Variants in ZNF99 observed in about 807,000 individuals in gnomAD.
The protein encoded by ZNF99 is zinc finger protein ENSP00000375192.
In ZNF99, 8 loss-of-function variants were observed where a neutral mutation model predicts 12.8. That is an observed-to-expected ratio of 0.62 (90% CI 0.37 to 1.13). ZNF99 has a LOEUF of 1.13. Among genes scored for constraint, ZNF99 ranks in the 50% most tolerant of loss-of-function variants. The pLI, the probability that ZNF99 is intolerant of heterozygous loss-of-function variation, is 0.02. For missense variants in ZNF99, 1,007 were observed against 1,006.2 expected, an observed-to-expected ratio of 1.00 and a Z score of -0.01; for synonymous variants, 318 against 319.0, an observed-to-expected ratio of 1.00 and a Z score of 0.03.
chr19:22,783,421 G>T (rs1353816786), intron 1 of ZNF99, among the ~76,000 whole-genome samples: 1 of 151,894 alleles, frequency 6.6e-6, no homozygotes, highest in Non-Finnish European at 1.5e-5. Flanking sequence ...TTTCCATCTT[G>T]ATTGTACAAA....
chr19:22,772,641 C>T (rs1973285414), intron 1 of ZNF99, among the ~76,000 whole-genome samples: 1 of 150,260 alleles, frequency 6.7e-6, no homozygotes, highest in African/African-American at 2.5e-5. Context: ...GGTGCCATTG[C>T]ACTCCAGCCT....
intron 1 of ZNF99, among the ~76,000 whole-genome samples, chr19:22,781,360 A>G (rs1016942553): frequency 3.4e-5 from 5 of 147,992 alleles, no homozygotes; most frequent in South Asian, 2.1e-4. Context: ...TGAGTGCCCC[A>G]GGTAAGAACT....
chr19:22,775,051 T>C (rs1407243538), intron 1 of ZNF99, among the ~76,000 whole-genome samples: 2 of 152,056 alleles, frequency 1.3e-5, no homozygotes, highest in African/African-American at 4.8e-5. Context: ...AACAGAACTA[T>C]AAAAAACTAT....
At position 22,758,779 on chromosome 19, in the gene ZNF99, G is replaced by T. The variant is rs753267223; in HGVS notation, c.1130C>A (p.Ala377Asp). Residue 377 changes from alanine to aspartate, a missense_variant, in exon 4 of 4, where the codon GCT (alanine) becomes GAT (aspartate). By Grantham distance (126) the Ala-to-Asp change is moderately radical. Transcript: ENST00000596209. ...TCTAAGGGCTGACAAATTGCTAAAAGCTTTGCCGCATTCTTCATATTTGTA... is the reference window on the plus strand; with the variant it reads ...TCTAAGGGCTGACAAATTGCTAAAATCTTTGCCGCATTCTTCATATTTGTA... ...KPYKYEECGK[A>D]FSNLSALRKH... 7 of 1,604,172 alleles carry T rather than the reference G, an allele frequency of 4.4e-6. No homozygotes were observed. The highest frequency in any genetic ancestry group is 5.1e-6 in the Non-Finnish European group (6 of 1,173,814).
chr19:22,757,331 A>C lies in ZNF99; in HGVS notation c.2578T>G (p.Leu860Val). ...VAKLLNISQP[L>V]ENMR ...AGTATGAATTATCTCATGTTTTCTA[A>C]GGGCTGAGAAATGTTTAAAAGCTTT... Residue 860 changes from leucine to valine, a missense_variant, in exon 4 of 4, where the codon TTA becomes GTA. Physicochemically the swap from Leu to Val is conservative, Grantham distance 32. Coordinates refer to ENST00000596209, the MANE Select transcript of ZNF99 (RefSeq NM_001080409.3). The C allele has an allele frequency of 6.2e-7, 1 of 1,612,530 alleles. No individual in the cohort carries two copies. The highest frequency in any genetic ancestry group is 1.3e-5 in the African/African-American group (1 of 74,770).
Position 22,756,136 on chromosome 19 carries a change from A to G in ZNF99, c.*1178T>C. ...CTTCACATATGGAGGGTCTGTCTCT[A>G]GTATAAATTATCTTATGTGTATTAA... On this transcript the variant is annotated 3_prime_UTR_variant, in exon 4 of 4. Coordinates refer to ENST00000596209, the MANE Select transcript of ZNF99 (RefSeq NM_001080409.3). 6.7e-7 allele frequency: 1 copy of G among 1,495,338 alleles called. No individual in the cohort carries two copies. Among genetic ancestry groups the G allele is most frequent in the Non-Finnish European group, 9.0e-7 (1 of 1,109,630 alleles). 92.6% of individuals were successfully genotyped at this position (1,495,338 alleles called of 1,614,324 possible).
chr19:22,772,228 T>A (rs1227090596), intron 1 of ZNF99, among the ~76,000 whole-genome samples: 1 of 152,172 alleles, frequency 6.6e-6, no homozygotes, highest in Non-Finnish European at 1.5e-5. Flanking sequence ...TACAAAGTTG[T>A]CTGTCAGAAA....
At position 22,769,073 on chromosome 19, in the gene ZNF99, T is replaced by C. The variant is rs529738998; in HGVS notation, c.130+125A>G. 1.1e-3 allele frequency: 1,188 copies of C among 1,081,046 alleles called. 3 individuals carry two copies. Among genetic ancestry groups the C allele is most frequent in the South Asian group, 1.6e-3 (104 of 63,590 alleles). 67.0% of individuals were successfully genotyped at this position (1,081,046 alleles called of 1,614,324 possible). On this transcript the variant is annotated intron_variant, in intron 2 of 3. Transcript: ENST00000596209. ...TCTTTTCTACACTTTCAAATCCCTG[T>C]TTTCAGAAAACGGGTATCTGAAACT...
chr19:22,757,117 A>G lies in ZNF99; in HGVS notation c.*197T>C. The G allele has an allele frequency of 1.2e-6, 2 of 1,612,704 alleles. No homozygotes were observed. The highest frequency in any genetic ancestry group is 8.5e-7 in the Non-Finnish European group (1 of 1,179,168). On this transcript the variant is annotated 3_prime_UTR_variant, in exon 4 of 4. Transcript: ENST00000596209. ...TGTTAAAAGCTTTTCCACATTCTCC[A>G]CATTTGTAGGGCTTCTCCCCAGTAT...
chr19:22,783,894 G>T, intron 1 of ZNF99, 120 bp downstream of exon 1: 1 of 1,345,628 alleles, frequency 7.4e-7, no homozygotes. Context: ...AGCTGGGCAA[G>T]AGCTCGGGGC....
At position 22,773,447 on chromosome 19, in the gene ZNF99, T is replaced by C. The variant is rs189709897; in HGVS notation, c.4-4123A>G. Among the ~76,000 whole-genome samples, 17 of 143,600 alleles carry C rather than the reference T, an allele frequency of 1.2e-4. No individual in the cohort carries two copies. In the East Asian group the frequency reaches 3.2e-3, roughly 27 times the overall value. 94.2% of individuals were successfully genotyped at this position (143,600 alleles called of 152,430 possible). A position where few individuals can be genotyped will look rare whatever the true frequency, so the allele number is the denominator to read the frequency against. ...ATGGTCACCTTAATTAGTTAACAAGTAGAAAATTTATAGCACCATGTCATA... is the reference window on the plus strand; with the variant it reads ...ATGGTCACCTTAATTAGTTAACAAGCAGAAAATTTATAGCACCATGTCATA... On this transcript the variant is annotated intron_variant, in intron 1 of 3. Coordinates refer to ENST00000596209, the MANE Select transcript of ZNF99 (RefSeq NM_001080409.3).
At position 22,756,328 on chromosome 19, in the gene ZNF99, A is replaced by G; in HGVS notation, c.*986T>C. On this transcript the variant is annotated 3_prime_UTR_variant, in exon 4 of 4. Transcript: ENST00000596209. ...CAGTATGAATTGTTTTATGTTGAGT[A>G]AGGTGTGAGGACTGGTTAAAGGCTT... The G allele has an allele frequency of 1.3e-6, 2 of 1,579,498 alleles. No individual in the cohort carries two copies. The highest frequency in any genetic ancestry group is 2.3e-5 in the South Asian group (2 of 88,772).
rs1183845306 is a variant in ZNF99 at position 22,753,975 on chromosome 19, A to T, written c.*3339T>A. 2 of 453,136 alleles carry T rather than the reference A, an allele frequency of 4.4e-6. No individual in the cohort carries two copies. The highest frequency in any genetic ancestry group is 4.0e-5 in the African/African-American group (2 of 49,866). 28.1% of individuals were successfully genotyped at this position (453,136 alleles called of 1,614,324 possible). ...ACACTATGATTTCTTTTATGTTTAGAAAAGTTTAAGGTGTTCTCAAGAGCA... is the reference window on the plus strand; with the variant it reads ...ACACTATGATTTCTTTTATGTTTAGTAAAGTTTAAGGTGTTCTCAAGAGCA... On this transcript the variant is annotated 3_prime_UTR_variant, in exon 4 of 4. Transcript: ENST00000596209.
Sources: allele counts gnomAD v4.1 joint callset (sites outside exome capture counted in the v4.1 genomes callset), GRCh38; gene constraint gnomAD v4.1.1; transcripts MANE v1.5; gene names NCBI Gene and HGNC (gene_info 2026-07-23, HGNC 2026-07-21).